PFKFB2: variants seen among roughly 807,000 people sequenced by gnomAD.
The protein encoded by PFKFB2 is 6-phosphofructo-2-kinase/fructose-2,6-biphosphatase 2, also known as 6-phosphofructo-2-kinase/fructose-2,6-bisphosphatase 2.
In PFKFB2, 53 loss-of-function variants were observed where a neutral mutation model predicts 68.0. That is an observed-to-expected ratio of 0.78 (90% CI 0.63 to 0.98). The LOEUF (loss-of-function observed/expected upper bound fraction) is 0.98. PFKFB2 is among the 50% of genes least tolerant of loss of function. PFKFB2 has a pLI of 0.00. For synonymous variants in PFKFB2, 222 were observed against 227.6 expected (o/e 0.98, Z 0.22); for missense variants, 451 against 642.0 (o/e 0.70, Z 3.22).
chr1:207,065,925 G>T (rs753339739), intron 8 of PFKFB2, among the ~76,000 whole-genome samples: 1 of 152,160 alleles, frequency 6.6e-6, no homozygotes, highest in East Asian at 1.9e-4. Context: ...CTGAATGGGG[G>T]TGTTGTAGGA....
rs1302202185 is a variant in PFKFB2 at position 207,077,411 on chromosome 1, A to G, written c.*5040A>G. ...TCTGTGACCAATGTTTACCTACGCA[A>G]TGTTTTTGTATCTGAATTGCTTATG... On this transcript the variant is annotated 3_prime_UTR_variant, in exon 15 of 15. Coordinates refer to ENST00000367080, the MANE Select transcript of PFKFB2 (RefSeq NM_006212.2). 12 of 985,246 alleles carry G rather than the reference A, an allele frequency of 1.2e-5. No individual in the cohort carries two copies. Among genetic ancestry groups the G allele is most frequent in the Non-Finnish European group, 1.2e-5 (10 of 829,772 alleles). The allele number at this position is 985,246 out of a possible 1,614,324, so 61.0% of individuals were successfully genotyped here.
At chr1:207,061,171 A>ATG (rs1193954379) in intron 2 of PFKFB2, among the ~76,000 whole-genome samples, 1 of 58,720 alleles carries the variant, frequency 1.7e-5, no homozygotes, top group East Asian at 3.4e-4. Context: ...ATCTTTATAT[A>ATG]TATATATATA....
In PFKFB2 at chr1:207,068,231, G is replaced by A. The variant is rs1301940444; in HGVS notation, c.909G>A (p.Gln303=). 1.2e-6 allele frequency: 2 copies of A among 1,613,546 alleles called. No homozygotes were observed. Among genetic ancestry groups the A allele is most frequent in the South Asian group, 1.1e-5 (1 of 91,026 alleles). The change falls in exon 10 of 15, where the codon CAG becomes CAA. Residue 303 remains glutamine (Q), a synonymous_variant. Coordinates refer to ENST00000367080, the MANE Select transcript of PFKFB2 (RefSeq NM_006212.2). The part of the protein sequence containing the change: ...EITDLKVWTS[Q]LKRTIQTAES... ...CAGACCTCAAAGTGTGGACAAGCCA[G>A]TTGAAGAGGACCATACAGACTGCTG...
At position 207,075,243 on chromosome 1, in the gene PFKFB2, A is replaced by G. The variant is rs1468908652; in HGVS notation, c.*2872A>G. The G allele has an allele frequency of 2.0e-6, 2 of 985,252 alleles. No individual in the cohort carries two copies. The highest frequency in any genetic ancestry group is 2.4e-6 in the Non-Finnish European group (2 of 829,942). The allele number at this position is 985,252 out of a possible 1,614,324, so 61.0% of individuals were successfully genotyped here. On this transcript the variant is annotated 3_prime_UTR_variant, in exon 15 of 15. Coordinates refer to ENST00000367080, the MANE Select transcript of PFKFB2 (RefSeq NM_006212.2). ...GCTCTCAGCCTGCTGTTATTTCCCC[A>G]CTCTCACCTGTGCTAGTTCGCTTTC...
At chr1:207,065,690 C>T (rs1241721915) in intron 8 of PFKFB2, among the ~76,000 whole-genome samples, 1 of 152,132 alleles carries the variant, frequency 6.6e-6, no homozygotes, top group African/African-American at 2.4e-5. Flanking sequence ...TCTCCAGTCT[C>T]TAGAGCATGA....
upstream of PFKFB2, chr1:207,049,300 G>A (rs1332858873): frequency 6.2e-7 from 1 of 1,614,050 alleles, no homozygotes; most frequent in African/African-American, 1.3e-5. Flanking sequence ...AACCCTTTTG[G>A]TATATCCTGC....
rs1400559629 is a variant in PFKFB2, at chr1:207,076,639, A to G, written c.*4268A>G. 4 of 984,976 alleles carry G rather than the reference A, an allele frequency of 4.1e-6. No homozygotes were observed. The highest frequency in any genetic ancestry group is 4.8e-6 in the Non-Finnish European group (4 of 829,560). The allele number at this position is 984,976 out of a possible 1,614,324, so 61.0% of individuals were successfully genotyped here. On this transcript the variant is annotated 3_prime_UTR_variant, in exon 15 of 15. Coordinates refer to ENST00000367080, the MANE Select transcript of PFKFB2 (RefSeq NM_006212.2). The stretch of plus-strand genomic sequence containing the variant: ...TGGATCTCTGTGCTGACTGACTGAC[A>G]GACAGACTTTAGTGTCTGTGTGCTG...
intron 2 of PFKFB2, among the ~76,000 whole-genome samples, chr1:207,057,302 CA>C (rs748726221): frequency 0.25 from 10,148 of 40,414 alleles, 564 homozygotes; most frequent in African/African-American, 0.35. Context: ...AAAAAAACTA[CA>C]AAAAAAAAAA....
upstream of PFKFB2, among the ~76,000 whole-genome samples, chr1:207,050,200 G>A (rs1285970327): frequency 6.6e-6 from 1 of 152,114 alleles, no homozygotes. Context: ...CTGCTGGTTA[G>A]AAATTGAAAG....
At position 207,063,437 on chromosome 1, in the gene PFKFB2, A is replaced by C; in HGVS notation, c.450+16A>C. On this transcript the variant is annotated intron_variant, in intron 6 of 14. Transcript: ENST00000367080. This position sits in a 1 kb window ranked among gnomAD's most constrained non-coding sequence, Gnocchi z 4.1. Reference sequence around the variant, plus strand: ...TTCCTTCAAGGTAGGATCTGACTCCATGTTGGAGGAAAAGGGATGAGTAGA... The same window carrying C: ...TTCCTTCAAGGTAGGATCTGACTCCCTGTTGGAGGAAAAGGGATGAGTAGA... 1 of 1,584,936 alleles carries C rather than the reference A, an allele frequency of 6.3e-7. No homozygotes were observed. Among genetic ancestry groups the C allele is most frequent in the Non-Finnish European group, 8.7e-7 (1 of 1,154,960 alleles).
In PFKFB2 at chr1:207,074,802, A is replaced by G. The variant is rs1235542225; in HGVS notation, c.*2431A>G. ...AATTTATAACAAATGGACATTTGCA[A>G]TATAGCAACAGTCTGAGTCTAGAAG... is the stretch of plus-strand genomic sequence containing the variant. On this transcript the variant is annotated 3_prime_UTR_variant, in exon 15 of 15. Transcript: ENST00000367080. 1.6e-5 allele frequency: 16 copies of G among 985,326 alleles called. No individual in the cohort carries two copies. Among genetic ancestry groups the G allele is most frequent in the Middle Eastern group, 5.2e-4 (1 of 1,936 alleles). The allele number at this position is 985,326 out of a possible 1,614,324, so 61.0% of individuals were successfully genotyped here. A position where few individuals can be genotyped will look rare whatever the true frequency, so the allele number is the denominator to read the frequency against.
chr1:207,075,231 T>C lies in PFKFB2; in HGVS notation c.*2860T>C, dbSNP rs1227675677. On this transcript the variant is annotated 3_prime_UTR_variant, in exon 15 of 15. Transcript: ENST00000367080. Reference sequence around the variant, plus strand: ...ATGTTCATTCTGGCTCTCAGCCTGCTGTTATTTCCCCACTCTCACCTGTGC... The same window carrying C: ...ATGTTCATTCTGGCTCTCAGCCTGCCGTTATTTCCCCACTCTCACCTGTGC... 20 of 985,398 alleles carry C rather than the reference T, an allele frequency of 2.0e-5. No homozygotes were observed. The highest frequency in any genetic ancestry group is 2.3e-5 in the Non-Finnish European group (19 of 829,978). 61.0% of individuals were successfully genotyped at this position (985,398 alleles called of 1,614,324 possible).
intron 2 of PFKFB2, among the ~76,000 whole-genome samples, chr1:207,058,785 G>A (rs902197418): frequency 2.0e-4 from 31 of 152,092 alleles, no homozygotes; most frequent in African/African-American, 6.8e-4. Context: ...AAGCCACTGC[G>A]CCCAGCCTCA....
intron 1 of PFKFB2, among the ~76,000 whole-genome samples, chr1:207,035,585 C>G (rs1459492539): frequency 4.0e-5 from 6 of 151,748 alleles, no homozygotes. Context: ...ACCGGGAGAT[C>G]AAGGCTGCAG....
intron 2 of PFKFB2, chr1:207,044,214 T>C (rs1419111070): frequency 2.0e-5 from 3 of 152,572 alleles, no homozygotes; most frequent in Non-Finnish European, 4.4e-5. Flanking sequence ...ACTGCATTAA[T>C]ACAGAAACTA....
At position 207,044,671 on chromosome 1, in the gene PFKFB2, A is replaced by C. The variant is rs1052097476; in HGVS notation, c.-18+2459A>C. 1.4e-4 allele frequency: 22 copies of C among 152,480 alleles called. No individual in the cohort carries two copies. The highest frequency in any genetic ancestry group is 4.3e-4 in the African/African-American group (18 of 41,586). 9.4% of individuals were successfully genotyped at this position (152,480 alleles called of 1,614,324 possible). A position where few individuals can be genotyped will look rare whatever the true frequency, so the allele number is the denominator to read the frequency against. On this transcript the variant is annotated intron_variant, in intron 2 of 5. Coordinates refer to the PFKFB2 transcript ENST00000545806. ...GCTTTTTCACCTATGGCCATGCTAC[A>C]TTCTATGACAAGAAATGGGGAAGAA...
chr1:207,054,736 T>G lies in PFKFB2; in HGVS notation c.19T>G (p.Ser7Ala). ...AGCTGCCATGTCTGGGGCATCTTCC[T>G]CAGAACAGAACAACAACAGCTATGA... is the stretch of plus-strand genomic sequence containing the variant. MSGASSSEQNNNSYETK... is the reference protein window; with the variant it reads MSGASSAEQNNNSYETK... The change falls in exon 2 of 15, where the codon TCA (serine) becomes GCA (alanine). Residue 7 changes from serine (S) to alanine (A), a missense_variant. By Grantham distance (99) the Ser-to-Ala change is moderately conservative (BLOSUM62 1). Transcript: ENST00000367080. The G allele has an allele frequency of 6.2e-7, 1 of 1,613,558 alleles. No individual in the cohort carries two copies. Among genetic ancestry groups the G allele is most frequent in the Non-Finnish European group, 8.5e-7 (1 of 1,179,540 alleles).
At chr1:207,057,405 G>T (rs1274637303) in intron 2 of PFKFB2, among the ~76,000 whole-genome samples, 1 of 150,538 alleles carries the variant, frequency 6.6e-6, no homozygotes, top group Non-Finnish European at 1.5e-5. Context: ...TTGAACCCGG[G>T]AGGCGGAGCT....
chr1:207,063,888 GGTGTGTGTGTGTGT>G lies in PFKFB2; in HGVS notation c.507+74_507+87del, dbSNP rs57138984. On this transcript the variant is annotated intron_variant, in intron 7 of 14. Coordinates refer to ENST00000367080, the MANE Select transcript of PFKFB2 (RefSeq NM_006212.2). This position sits in a 1 kb window ranked among gnomAD's most constrained non-coding sequence, Gnocchi z 4.1. Reference sequence around the variant, plus strand: ...ACCTTTTGTGCTGTGTGTGTTGTGGGGTGTGTGTGTGTGTGTGTGTGTGTGTGTTGTTGGGGAGG... The same window carrying G: ...ACCTTTTGTGCTGTGTGTGTTGTGGGGTGTGTGTGTGTGTTGTTGGGGAGG... The G allele has an allele frequency of 7.9e-6, 8 of 1,016,510 alleles. No individual in the cohort carries two copies. In the East Asian group the frequency reaches 9.5e-5, roughly 12 times the overall value. 63.0% of individuals were successfully genotyped at this position (1,016,510 alleles called of 1,614,324 possible).
Sources: allele counts gnomAD v4.1 joint callset (sites outside exome capture counted in the v4.1 genomes callset), GRCh38; gene constraint gnomAD v4.1.1; non-coding constraint Gnocchi (gnomAD v3.1); transcripts MANE v1.5; gene names NCBI Gene and HGNC (gene_info 2026-07-23, HGNC 2026-07-21).